The following TAFA1 variants were observed in gnomAD, a reference collection of about 807,000 sequenced individuals.
The protein encoded by TAFA1 is chemokine-like protein TAFA-1.
TAFA1 carries 4 observed loss-of-function variants against 18.5 expected under a neutral mutation model. The ratio of observed to expected loss-of-function variants is 0.22; its 90% CI spans 0.11 to 0.49. TAFA1 has a LOEUF of 0.49. Among genes scored for constraint, TAFA1 ranks in the 20% least tolerant of loss-of-function variants. TAFA1 has a pLI of 0.98. For synonymous variants in TAFA1, 56 were observed against 55.2 expected, an observed-to-expected ratio of 1.01 and a Z score of -0.06; for missense variants, 147 against 169.0, an observed-to-expected ratio of 0.87 and a Z score of 0.72.
intron 2 of TAFA1, among the ~76,000 whole-genome samples, chr3:68,241,936 G>C (rs2067005933): frequency 6.6e-6 from 1 of 152,146 alleles, no homozygotes; most frequent in African/African-American, 2.4e-5. Flanking sequence ...CAAATTATCT[G>C]AATAGTGCCA....
chr3:68,451,091 T>C (rs1289733756), intron 3 of TAFA1, among the ~76,000 whole-genome samples: 1 of 152,200 alleles, frequency 6.6e-6, no homozygotes, highest in Non-Finnish European at 1.5e-5. Flanking sequence ...AACTATCTTT[T>C]CATATTGCAG....
intron 2 of TAFA1, among the ~76,000 whole-genome samples, chr3:68,076,991 A>G (rs2106763087): frequency 6.6e-6 from 1 of 152,116 alleles, no homozygotes; most frequent in Admixed American, 6.5e-5. Flanking sequence ...CTTTTTAATG[A>G]TTGCCATTCT....
chr3:68,499,715 A>C (rs1269589506), intron 3 of TAFA1, among the ~76,000 whole-genome samples: 1 of 151,762 alleles, frequency 6.6e-6, no homozygotes, highest in Non-Finnish European at 1.5e-5. Context: ...GCAGAAATAA[A>C]CGTATGAATA....
chr3:68,206,703 G>C (rs375856982), intron 2 of TAFA1, among the ~76,000 whole-genome samples: 6 of 152,032 alleles, frequency 3.9e-5, no homozygotes, highest in Admixed American at 2.6e-4. Context: ...GCAGACAAGA[G>C]AGCGACCCCT....
rs2064832441 is a variant in TAFA1 at position 68,076,927 on chromosome 3, G to A, written c.118+70183G>A. ...GAACTAGTTTACAATCCCACCAACA[G>A]TGTAAAAGTGTTCCTATTTCTCCAC... On this transcript the variant is annotated intron_variant, in intron 2 of 4. Transcript: ENST00000478136. 2.6e-5 allele frequency among the ~76,000 whole-genome samples: 4 copies of A among 152,276 alleles called. No homozygotes were observed. In the South Asian group the frequency reaches 8.3e-4, roughly 32 times the overall value.
intron 2 of TAFA1, among the ~76,000 whole-genome samples, chr3:68,307,846 A>G (rs2068447572): frequency 6.6e-6 from 1 of 152,190 alleles, no homozygotes; most frequent in Non-Finnish European, 1.5e-5. Flanking sequence ...GATTAGTTAT[A>G]TGTAAAGATG....
At chr3:68,382,379 T>G (rs2069986028) in intron 2 of TAFA1, among the ~76,000 whole-genome samples, 1 of 152,090 alleles carries the variant, frequency 6.6e-6, no homozygotes, top group African/African-American at 2.4e-5. Flanking sequence ...GTACCTCTGT[T>G]TAAGTTGATT....
At chr3:68,074,543 G>C (rs552756387) in intron 2 of TAFA1, among the ~76,000 whole-genome samples, 1 of 152,266 alleles carries the variant, frequency 6.6e-6, no homozygotes, top group Non-Finnish European at 1.5e-5. Context: ...AATGCCTACA[G>C]CAAAGGGATA....
At chr3:68,239,803 A>G (rs1424762995) in intron 2 of TAFA1, among the ~76,000 whole-genome samples, 2 of 152,160 alleles carry the variant, frequency 1.3e-5, no homozygotes, top group African/African-American at 4.8e-5. Flanking sequence ...AGTCAGAACC[A>G]TTTGCAGCCC....
chr3:68,011,742 G>A (rs1368060250), intron 2 of TAFA1, among the ~76,000 whole-genome samples: 2 of 152,164 alleles, frequency 1.3e-5, no homozygotes, highest in African/African-American at 2.4e-5. Flanking sequence ...GAGCAGACAG[G>A]TTGTTATTCG....
At chr3:68,330,591 C>A (rs73836901) in intron 2 of TAFA1, among the ~76,000 whole-genome samples, 3,330 of 152,250 alleles carry the variant, frequency 0.022, 84 homozygotes, top group African/African-American at 0.061. Context: ...CCCTGGGATG[C>A]AAGGTATGTT....
chr3:68,469,744 G>T (rs911480990), intron 3 of TAFA1, among the ~76,000 whole-genome samples: 1 of 152,188 alleles, frequency 6.6e-6, no homozygotes, highest in African/African-American at 2.4e-5. Flanking sequence ...TACTGGGTCA[G>T]ACCACTGGCT....
At chr3:67,996,587 C>T in the TAFA1 span, among the ~76,000 whole-genome samples, 2 of 151,870 alleles carry the variant, frequency 1.3e-5, no homozygotes, top group Admixed American at 1.3e-4. Context: ...CCACTTGAGG[C>T]CAGGAGTTCG....
At chr3:67,994,603 T>C in the TAFA1 span, among the ~76,000 whole-genome samples, 1 of 152,176 alleles carries the variant, frequency 6.6e-6, no homozygotes. Context: ...AAAGGACATT[T>C]CCCCAGCTTG....
chr3:68,003,814 A>G (rs1704313915), upstream of TAFA1, among the ~76,000 whole-genome samples: 1 of 152,188 alleles, frequency 6.6e-6, no homozygotes, highest in African/African-American at 2.4e-5. Context: ...TTTTTATTGG[A>G]CTTATGCATA....
chr3:68,080,994 T>G (rs2106774196), intron 2 of TAFA1, among the ~76,000 whole-genome samples: 1 of 152,254 alleles, frequency 6.6e-6, no homozygotes, highest in South Asian at 2.1e-4. Flanking sequence ...CCATATTTCT[T>G]GGAGGCTTTG....
At chr3:68,238,061 C>A (rs551140135) in intron 2 of TAFA1, among the ~76,000 whole-genome samples, 3 of 152,036 alleles carry the variant, frequency 2.0e-5, no homozygotes, top group Non-Finnish European at 2.9e-5. Context: ...AATACTGAAA[C>A]CTAACGTTCA....
chr3:68,046,168 C>T (rs536372442), intron 2 of TAFA1, among the ~76,000 whole-genome samples: 5 of 152,064 alleles, frequency 3.3e-5, no homozygotes, highest in South Asian at 2.1e-4. Context: ...ATTCTGGCGG[C>T]GGTTTTCAGG....
intron 2 of TAFA1, among the ~76,000 whole-genome samples, chr3:68,308,381 T>G (rs1433429484): frequency 6.6e-6 from 1 of 152,240 alleles, no homozygotes; most frequent in African/African-American, 2.4e-5. Context: ...TTGCTACTAC[T>G]ATTTCTTCCC....
Sources: allele counts gnomAD v4.1 joint callset (sites outside exome capture counted in the v4.1 genomes callset), GRCh38; gene constraint gnomAD v4.1.1; transcripts MANE v1.5; gene names NCBI Gene and HGNC (gene_info 2026-07-23, HGNC 2026-07-21).